The following AMMECR1 variants were observed in gnomAD, a reference collection of about 807,000 sequenced individuals.
The protein encoded by AMMECR1 is nuclear protein AMMECR1.
A neutral mutation model predicts 22.5 loss-of-function variants in AMMECR1; 3 were observed. The observed-to-expected ratio is 0.13, with a 90% CI of 0.06 to 0.35. The LOEUF is 0.35. AMMECR1 is among the 10% of genes least tolerant of loss of function. The pLI is 1.00. For missense variants in AMMECR1, 235 were observed against 278.7 expected, an observed-to-expected ratio of 0.84 and a Z score of 1.12; for synonymous variants, 130 against 116.7, an observed-to-expected ratio of 1.11 and a Z score of -0.74.
At chrX:110,236,410 C>T (rs2067601681) in intron 2 of AMMECR1, among the ~76,000 whole-genome samples, 1 of 111,686 alleles carries the variant, frequency 9.0e-6, no homozygotes, top group Non-Finnish European at 1.9e-5. Context: ...AAGAGGAAGA[C>T]ACCTAAACTC....
chrX:110,285,280 T>C (rs1042461261), intron 1 of AMMECR1, among the ~76,000 whole-genome samples: 2 of 112,021 alleles, frequency 1.8e-5, no homozygotes, highest in African/African-American at 6.5e-5. Flanking sequence ...TTACTAGAAA[T>C]TAAGTCTCAA....
rs772096712 is a variant in AMMECR1, at chrX:110,387,866, T to C, written c.-148+38792A>G. Among the ~76,000 whole-genome samples, 237 of 96,410 alleles carry C rather than the reference T, an allele frequency of 2.5e-3. 1 individual carries two copies. The highest frequency in any genetic ancestry group is 8.0e-3 in the African/African-American group (205 of 25,645). 83.7% of individuals were successfully genotyped at this position (96,410 alleles called of 115,157 possible). On this transcript the variant is annotated intron_variant, in intron 2 of 7. Transcript: ENST00000372057. ...CGTTATCTCCCTCTCTCTTTTTTTT[T>C]TTTTTTTTTTTTTGAGACGGTGTCT...
chrX:110,245,222 T>C, intron 2 of AMMECR1, among the ~76,000 whole-genome samples: 1 of 111,995 alleles, frequency 8.9e-6, no homozygotes, highest in South Asian at 3.7e-4. Flanking sequence ...AAATCACAAC[T>C]TGGAAGTGGC....
intron 2 of AMMECR1, among the ~76,000 whole-genome samples, chrX:110,423,869 A>C (rs370998483): frequency 1.1e-4 from 12 of 112,200 alleles, no homozygotes; most frequent in African/African-American, 3.6e-4. Flanking sequence ...AATTATTGAG[A>C]CAGTTCTTAT....
At chrX:110,278,951 AC>A (rs1394909698) in intron 1 of AMMECR1, among the ~76,000 whole-genome samples, 1 of 112,181 alleles carries the variant, frequency 8.9e-6, no homozygotes, top group Non-Finnish European at 1.9e-5. Flanking sequence ...GATAAATCCC[AC>A]AGATAAATGT....
intron 2 of AMMECR1, among the ~76,000 whole-genome samples, chrX:110,391,180 A>G (rs2148286256): frequency 9.0e-6 from 1 of 111,357 alleles, no homozygotes; most frequent in African/African-American, 3.3e-5. Flanking sequence ...GTTTGGTTTT[A>G]TGGAATGAAA....
intron 2 of AMMECR1, among the ~76,000 whole-genome samples, chrX:110,391,806 A>G (rs1358616202): frequency 8.9e-6 from 1 of 112,478 alleles, no homozygotes; most frequent in African/African-American, 3.2e-5. Flanking sequence ...CGAACAGCAT[A>G]GTCGTTGAAC....
chrX:110,428,764 C>A (rs781633571), intron 1 of AMMECR1, among the ~76,000 whole-genome samples: 3 of 111,978 alleles, frequency 2.7e-5, no homozygotes, highest in East Asian at 5.6e-4. Flanking sequence ...TACCTCCCCC[C>A]ATTCCCCTAT....
chrX:110,228,514 C>A (rs1042342129), intron 2 of AMMECR1, among the ~76,000 whole-genome samples: 1 of 111,372 alleles, frequency 9.0e-6, no homozygotes, highest in Non-Finnish European at 1.9e-5. Flanking sequence ...TTCACATAAT[C>A]CAATAACACT....
At chrX:110,395,101 G>A (rs772125155) in intron 2 of AMMECR1, among the ~76,000 whole-genome samples, 29 of 112,634 alleles carry the variant, frequency 2.6e-4, no homozygotes, top group Non-Finnish European at 4.9e-4. Context: ...AGTGTATGTA[G>A]GTTGTTTCAG....
intron 2 of AMMECR1, among the ~76,000 whole-genome samples, chrX:110,217,888 T>C (rs1411996030): frequency 9.0e-6 from 1 of 111,319 alleles, no homozygotes. Flanking sequence ...GCACCACATT[T>C]TGGTGCTCAT....
At chrX:110,365,557 G>A (rs2068291767) in intron 2 of AMMECR1, among the ~76,000 whole-genome samples, 1 of 111,682 alleles carries the variant, frequency 9.0e-6, no homozygotes, top group Non-Finnish European at 1.9e-5. Context: ...AATAACTTTT[G>A]GGGAGAATGC....
At chrX:110,430,474 A>G (rs1443021822) in intron 1 of AMMECR1, among the ~76,000 whole-genome samples, 1 of 112,290 alleles carries the variant, frequency 8.9e-6, no homozygotes, top group African/African-American at 3.2e-5. Flanking sequence ...AACTTGGCCA[A>G]GGTCACATAG....
chrX:110,393,496 C>G (rs2068508419), intron 2 of AMMECR1, among the ~76,000 whole-genome samples: 1 of 111,668 alleles, frequency 9.0e-6, no homozygotes, highest in Non-Finnish European at 1.9e-5. Flanking sequence ...GGTCACACAA[C>G]CAGGAAGAGC....
intron 2 of AMMECR1, among the ~76,000 whole-genome samples, chrX:110,418,711 G>A (rs1276607687): frequency 9.0e-6 from 1 of 111,623 alleles, no homozygotes; most frequent in East Asian, 2.8e-4. Flanking sequence ...CAGCGCATGG[G>A]AGCTGGGAAA....
chrX:110,229,869 G>C (rs751028311), intron 2 of AMMECR1, among the ~76,000 whole-genome samples: 2 of 112,571 alleles, frequency 1.8e-5, no homozygotes, highest in Non-Finnish European at 1.9e-5. Flanking sequence ...TGCCTGGCTC[G>C]GCAGCTCCCA....
intron 2 of AMMECR1, chrX:110,224,970 A>T (rs1183911325): frequency 2.3e-5 from 8 of 347,311 alleles, no homozygotes; most frequent in East Asian, 7.8e-5. Flanking sequence ...TTTTTAAATT[A>T]AAAAAAATCC....
At chrX:110,397,602 GT>G (rs2068536443) in intron 2 of AMMECR1, among the ~76,000 whole-genome samples, 2 of 111,054 alleles carry the variant, frequency 1.8e-5, no homozygotes, top group South Asian at 7.8e-4. Context: ...AAGAGACACA[GT>G]CACTGCTGGG....
At chrX:110,258,822 C>G (rs1414993106) in intron 2 of AMMECR1, among the ~76,000 whole-genome samples, 7 of 111,147 alleles carry the variant, frequency 6.3e-5, no homozygotes, top group Admixed American at 2.9e-4. Context: ...ACCATAAAGA[C>G]TAATATTAAA....
Sources: gnomAD v4.1 joint callset for allele counts (sites outside exome capture counted in the v4.1 genomes callset) on GRCh38, gnomAD v4.1.1 for gene constraint, MANE v1.5 for transcripts, NCBI Gene and HGNC (gene_info 2026-07-23, HGNC 2026-07-21) for gene names.